Variants in LPP observed in about 807,000 individuals in gnomAD.
LPP encodes the protein lipoma-preferred partner.
Under a neutral mutation model 60.4 loss-of-function variants are expected in LPP, and 38 were observed. The ratio of observed to expected loss-of-function variants is 0.63; its 90% CI spans 0.49 to 0.83. The LOEUF is 0.83. Ranked by LOEUF, LPP falls within the 40% of genes least tolerant of loss-of-function variation. The probability of loss-of-function intolerance (pLI) is 0.00; values close to 1 mark genes in which losing one functional copy is unlikely to be tolerated. For synonymous variants in LPP, 328 were observed against 290.8 expected (o/e 1.13, Z -1.30); for missense variants, 902 against 783.6 (o/e 1.15, Z -1.80).
At position 188,159,282 on chromosome 3, in the gene LPP, C is replaced by T. The variant is rs76138087; in HGVS notation, c.-190+5030C>T. 2.6e-5 allele frequency among the ~76,000 whole-genome samples: 4 copies of T among 152,320 alleles called. No individual in the cohort carries two copies. The East Asian group carries it at 7.7e-4, about 29-fold the overall frequency. On this transcript the variant is annotated intron_variant, in intron 1 of 11. Transcript: ENST00000617246. ...TTTCTGGCTCAGGGCTCTGAGGGAA[C>T]ACCTACAATCCTTCCTATCACCTAC...
At chr3:188,384,832 A>T (rs554869995) in intron 3 of LPP, among the ~76,000 whole-genome samples, 1 of 145,756 alleles carries the variant, frequency 6.9e-6, no homozygotes. Flanking sequence ...AAAATTTCAG[A>T]AGTCCCGGAG....
Position 188,715,248 on chromosome 3 carries a change from C to T in LPP, c.1240+6855C>T, listed in dbSNP as rs184923370. Among the ~76,000 whole-genome samples, 185 of 151,666 alleles carry T rather than the reference C, an allele frequency of 1.2e-3. 2 individuals carry two copies. In the East Asian group the frequency reaches 0.027, roughly 22 times the overall value. ...CAAAAATCAGCTGGGCATGGTGGCA[C>T]GCACCTGTAGTCCCAGTTACTCAGG... On this transcript the variant is annotated intron_variant, in intron 8 of 11. Coordinates refer to ENST00000617246, the MANE Select transcript of LPP (RefSeq NM_001375462.1).
chr3:188,542,668 C>A (rs923834697), intron 6 of LPP, among the ~76,000 whole-genome samples: 15 of 152,178 alleles, frequency 9.9e-5, no homozygotes, highest in Admixed American at 4.6e-4. Context: ...CTACACACCA[C>A]ATGTATTAAG....
intron 1 of LPP, among the ~76,000 whole-genome samples, chr3:188,164,841 C>T (rs1022577783): frequency 4.6e-5 from 7 of 152,022 alleles, no homozygotes; most frequent in African/African-American, 1.2e-4. Flanking sequence ...CATTTGACAT[C>T]GTGTATCAGG....
chr3:188,772,256 A>G (rs1012708757), intron 9 of LPP, among the ~76,000 whole-genome samples: 4 of 152,110 alleles, frequency 2.6e-5, no homozygotes, highest in African/African-American at 4.8e-5. Context: ...TTCCCATGCC[A>G]TTGGTTGCCT....
intron 5 of LPP, among the ~76,000 whole-genome samples, chr3:188,504,929 C>T (rs1813015361): frequency 6.6e-6 from 1 of 152,152 alleles, no homozygotes; most frequent in Admixed American, 6.5e-5. Flanking sequence ...GTTCAGTCCA[C>T]AGATCCTTGA....
At chr3:188,240,015 G>T (rs1723361086) in intron 2 of LPP, 1 of 195,950 alleles carries the variant, frequency 5.1e-6, no homozygotes, top group African/African-American at 2.3e-5. Context: ...GTTGCTCAAG[G>T]TCTCAGAGAG....
chr3:188,775,795 A>G (rs1737560360), intron 9 of LPP, among the ~76,000 whole-genome samples: 1 of 152,250 alleles, frequency 6.6e-6, no homozygotes, highest in African/African-American at 2.4e-5. Context: ...CATAACCATT[A>G]ATTAAGTTCA....
chr3:188,381,705 T>C (rs184277653), intron 3 of LPP, among the ~76,000 whole-genome samples: 30 of 152,282 alleles, frequency 2.0e-4, no homozygotes, highest in African/African-American at 7.2e-4. Context: ...CTTTTCACTT[T>C]TGAGAGCTTT....
intron 9 of LPP, among the ~76,000 whole-genome samples, chr3:188,822,958 A>T (rs1166074836): frequency 6.6e-6 from 1 of 152,038 alleles, no homozygotes; most frequent in African/African-American, 2.4e-5. Flanking sequence ...ACTTTTTATT[A>T]GGGCAGGTTT....
rs570042336 is a variant in LPP, at chr3:188,520,718, G to T, written c.307-3947G>T. On this transcript the variant is annotated intron_variant, in intron 5 of 11. Coordinates refer to ENST00000617246, the MANE Select transcript of LPP (RefSeq NM_001375462.1). Reference sequence around the variant, plus strand: ...TTGGCAGAACACAGACTAAGACGATGTAATCTTTGAAATCTCTCTAGTGAT... The same window carrying T: ...TTGGCAGAACACAGACTAAGACGATTTAATCTTTGAAATCTCTCTAGTGAT... Among the ~76,000 whole-genome samples the T allele has an allele frequency of 2.0e-5, 3 of 152,288 alleles. 1 individual carries two copies. The South Asian group carries it at 6.2e-4, about 32-fold the overall frequency.
intron 1 of LPP, among the ~76,000 whole-genome samples, chr3:188,160,037 C>T (rs1197034579): frequency 1.3e-5 from 2 of 152,152 alleles, no homozygotes; most frequent in African/African-American, 4.8e-5. Flanking sequence ...CTCAGCCTCC[C>T]AAGTAGCTGG....
At chr3:188,406,051 A>T in intron 3 of LPP, 61 bp from the exon 4 acceptor site, 1 of 1,398,266 alleles carries the variant, frequency 7.2e-7, no homozygotes, top group Non-Finnish European at 9.9e-7. Flanking sequence ...TAGCAATGAA[A>T]TGAGGAGTAT....
chr3:188,595,981 G>A lies in LPP; in HGVS notation c.430-13180G>A, dbSNP rs548103364. On this transcript the variant is annotated intron_variant, in intron 6 of 11. Transcript: ENST00000617246. ...TGCCTCACCCTTTTCAGGACAAACC[G>A]ACTACCAGAAATGAATCTAACCCAT... Among the ~76,000 whole-genome samples the A allele has an allele frequency of 2.3e-4, 35 of 152,168 alleles. No individual in the cohort carries two copies. In the South Asian group the frequency reaches 3.7e-3, roughly 16 times the overall value.
intron 2 of LPP, among the ~76,000 whole-genome samples, chr3:188,292,665 G>T (rs1253744706): frequency 6.6e-6 from 1 of 152,170 alleles, no homozygotes; most frequent in East Asian, 1.9e-4. Context: ...ATGTACTAGA[G>T]TATGGTTTAC....
At chr3:188,171,334 C>T (rs948423677) in intron 1 of LPP, among the ~76,000 whole-genome samples, 4 of 152,210 alleles carry the variant, frequency 2.6e-5, no homozygotes, top group Non-Finnish European at 1.5e-5. Flanking sequence ...ATCCTGACTG[C>T]TTCTGGATTC....
At chr3:188,862,724 T>TA (rs1186093691) in intron 9 of LPP, among the ~76,000 whole-genome samples, 17,616 of 76,754 alleles carry the variant, frequency 0.23, 2,318 homozygotes, top group Non-Finnish European at 0.31. Flanking sequence ...AAAAAATAAA[T>TA]AAATAAATAA....
At chr3:188,423,192 A>G (rs1180840346) in intron 4 of LPP, among the ~76,000 whole-genome samples, 1 of 151,892 alleles carries the variant, frequency 6.6e-6, no homozygotes, top group Non-Finnish European at 1.5e-5. Context: ...GAGTGAGAAC[A>G]TGTGGTGTTT....
chr3:188,512,998 C>A (rs1816272132), intron 5 of LPP, among the ~76,000 whole-genome samples: 1 of 152,208 alleles, frequency 6.6e-6, no homozygotes, highest in South Asian at 2.1e-4. Flanking sequence ...AGCCCCCTCA[C>A]CACATATGAA....
Sources: allele counts gnomAD v4.1 joint callset (sites outside exome capture counted in the v4.1 genomes callset), GRCh38; gene constraint gnomAD v4.1.1; transcripts MANE v1.5; gene names NCBI Gene and HGNC (gene_info 2026-07-23, HGNC 2026-07-21).